Variants in EPB41L1 observed in about 807,000 individuals in gnomAD.
EPB41L1 encodes band 4.1-like protein 1.
EPB41L1 carries 29 observed loss-of-function variants against 97.8 expected under a neutral mutation model. The ratio of observed to expected loss-of-function variants is 0.30; its 90% CI spans 0.22 to 0.40. EPB41L1 has a LOEUF of 0.40. Ranked by LOEUF, EPB41L1 falls within the 10% of genes least tolerant of loss-of-function variation. EPB41L1 has a pLI of 1.00. For synonymous variants in EPB41L1, 383 were observed against 459.2 expected (o/e 0.83, Z 2.12); for missense variants, 812 against 1,162.3 (o/e 0.70, Z 4.38).
chr20:36,103,162 GA>G (rs369066500), intron 1 of EPB41L1, among the ~76,000 whole-genome samples: 19 of 152,318 alleles, frequency 1.2e-4, no homozygotes, highest in African/African-American at 3.6e-4. Flanking sequence ...CCCTCTGGGG[GA>G]TGAGTTCTTT....
At position 36,190,012 on chromosome 20, in the gene EPB41L1, C is replaced by T. The variant is rs985618756; in HGVS notation, c.1027-265C>T. On this transcript the variant is annotated intron_variant, in intron 9 of 21. Transcript: ENST00000338074. This position sits in a 1 kb window ranked among gnomAD's most constrained non-coding sequence, Gnocchi z 5.8. ...CCAGCCTAGGCAACATAGTGAGACTCATTCTCTACAAAAAATTAGCTGGTG... is the reference window on the plus strand; with the variant it reads ...CCAGCCTAGGCAACATAGTGAGACTTATTCTCTACAAAAAATTAGCTGGTG... Among the ~76,000 whole-genome samples, 3 of 151,964 alleles carry T rather than the reference C, an allele frequency of 2.0e-5. No homozygotes were observed. Among genetic ancestry groups the T allele is most frequent in the African/African-American group, 7.3e-5 (3 of 41,376 alleles).
chr20:36,214,586 T>C (rs1218197837), intron 17 of EPB41L1, 146 bp downstream of exon 17: 1 of 721,866 alleles, frequency 1.4e-6, no homozygotes, highest in South Asian at 1.6e-5. Flanking sequence ...CAGCTGTTTA[T>C]TATCTGGGGC....
chr20:36,160,286 A>G (rs2060474625), intron 1 of EPB41L1, among the ~76,000 whole-genome samples: 1 of 152,226 alleles, frequency 6.6e-6, no homozygotes, highest in Admixed American at 6.5e-5. Flanking sequence ...GGAAAATCTA[A>G]TAATTCAGAA....
intron 3 of EPB41L1, among the ~76,000 whole-genome samples, chr20:36,177,740 G>T (rs2145996384): frequency 1.3e-5 from 2 of 152,356 alleles, no homozygotes; most frequent in South Asian, 4.1e-4. Flanking sequence ...GAACTTGGAA[G>T]AAGGCCATCA....
chr20:36,204,471 C>CT (rs765673962), intron 14 of EPB41L1, among the ~76,000 whole-genome samples: 1,348 of 90,592 alleles, frequency 0.015, 224 homozygotes, highest in African/African-American at 0.026. Context: ...CGATCTGGTG[C>CT]TTTTTTTTTT....
chr20:36,096,657 A>G (rs529672240), intron 1 of EPB41L1, among the ~76,000 whole-genome samples: 1 of 152,120 alleles, frequency 6.6e-6, no homozygotes, highest in African/African-American at 2.4e-5. Flanking sequence ...GGCCAAGTCA[A>G]TTTTCCCTGT....
Position 36,219,745 on chromosome 20 carries a change from T to C in EPB41L1, c.2356-16T>C. On this transcript the variant is annotated splice_polypyrimidine_tract_variant and intron_variant, in intron 18 of 21. Coordinates refer to ENST00000338074, the MANE Select transcript of EPB41L1 (RefSeq NM_012156.2). ...CTTACCTGACACCCTGGGTGGGGGG[T>C]GGTTATATTCTGCAGATCATCGGGA... 2 of 1,611,370 alleles carry C rather than the reference T, an allele frequency of 1.2e-6. No homozygotes were observed. The highest frequency in any genetic ancestry group is 8.5e-7 in the Non-Finnish European group (1 of 1,178,888).
chr20:36,215,215 G>A (rs2063371472), intron 17 of EPB41L1, among the ~76,000 whole-genome samples: 1 of 151,980 alleles, frequency 6.6e-6, no homozygotes, highest in Non-Finnish European at 1.5e-5. Flanking sequence ...GGTAACTGAA[G>A]TTCAGAGAGG....
chr20:36,101,055 C>T (rs1248103959), intron 1 of EPB41L1, among the ~76,000 whole-genome samples: 1 of 152,126 alleles, frequency 6.6e-6, no homozygotes, highest in East Asian at 1.9e-4. Context: ...TTCATTGAAT[C>T]GAGTCTTCCA....
Position 36,209,859 on chromosome 20 carries a change from T to C in EPB41L1, c.2040T>C (p.Asp680=), listed in dbSNP as rs946739246. 6.2e-7 allele frequency: 1 copy of C among 1,613,524 alleles called. No homozygotes were observed. The highest frequency in any genetic ancestry group is 1.7e-5 in the Admixed American group (1 of 60,022). The stretch of plus-strand genomic sequence containing the variant: ...CTGGGGGCATTGAGGACAGCCCGGA[T>C]CGAGGGGCCTGCTCCACCCCGGATA... ...DESGGIEDSP[D]RGACSTPDMP... The change falls in exon 15 of 22, where the codon GAT becomes GAC. Residue 680 remains aspartate (D), a synonymous_variant. Transcript: ENST00000338074. This position sits in a 1 kb window ranked among gnomAD's most constrained non-coding sequence, Gnocchi z 4.2.
chr20:36,191,624 G>T (rs976102953), intron 11 of EPB41L1, among the ~76,000 whole-genome samples: 4 of 152,126 alleles, frequency 2.6e-5, no homozygotes, highest in African/African-American at 4.8e-5. Flanking sequence ...AAGTCACATG[G>T]GTCACTGGGG....
At chr20:36,199,870 C>G (rs887133683) in intron 14 of EPB41L1, among the ~76,000 whole-genome samples, 2 of 152,152 alleles carry the variant, frequency 1.3e-5, no homozygotes, top group Non-Finnish European at 2.9e-5. Flanking sequence ...GAAGTGAGGT[C>G]TAGACCTCTG....
At chr20:36,200,522 A>G (rs751339909) in intron 14 of EPB41L1, among the ~76,000 whole-genome samples, 1 of 152,216 alleles carries the variant, frequency 6.6e-6, no homozygotes, top group East Asian at 1.9e-4. Context: ...TGCAGGGTTG[A>G]ACCATAGCCT....
At chr20:36,177,142 G>C (rs1396408182) in intron 3 of EPB41L1, among the ~76,000 whole-genome samples, 2 of 152,166 alleles carry the variant, frequency 1.3e-5, no homozygotes, top group African/African-American at 4.8e-5. Context: ...TTGGTCCCGA[G>C]GGCCCAGCCA....
intron 2 of EPB41L1, among the ~76,000 whole-genome samples, chr20:36,116,780 G>T (rs2058597759): frequency 6.6e-6 from 1 of 152,152 alleles, no homozygotes. Flanking sequence ...TCAGAAGTTG[G>T]ATAATGCCCC....
In EPB41L1 at chr20:36,093,384, G is replaced by A. The variant is rs1193654737; in HGVS notation, c.-65+1772G>A. Reference sequence around the variant, plus strand: ...GTGTAACTCCCGTGTGTGCGCGTGTGAGTGCGGGTGTGCTCCCGCGTAGCC... The same window carrying A: ...GTGTAACTCCCGTGTGTGCGCGTGTAAGTGCGGGTGTGCTCCCGCGTAGCC... On this transcript the variant is annotated intron_variant, in intron 1 of 19. Transcript: ENST00000202028. This position sits in a 1 kb window ranked among gnomAD's most constrained non-coding sequence, Gnocchi z 5.4. 6.6e-6 allele frequency among the ~76,000 whole-genome samples: 1 copy of A among 151,418 alleles called. No homozygotes were observed. Among genetic ancestry groups the A allele is most frequent in the African/African-American group, 2.4e-5 (1 of 41,192 alleles).
intron 21 of EPB41L1, among the ~76,000 whole-genome samples, chr20:36,225,600 G>C (rs144769585): frequency 2.0e-5 from 3 of 152,168 alleles, no homozygotes; most frequent in Non-Finnish European, 2.9e-5. Flanking sequence ...GTTTCTTCCC[G>C]CTTGAGGACT....
intron 1 of EPB41L1, among the ~76,000 whole-genome samples, chr20:36,157,465 C>T (rs2060355755): frequency 1.3e-5 from 2 of 152,254 alleles, no homozygotes; most frequent in East Asian, 1.9e-4. Context: ...CTGGAAAGTG[C>T]GAGGCGGTCT....
intron 5 of EPB41L1, among the ~76,000 whole-genome samples, chr20:36,179,868 G>T (rs1005276427): frequency 2.6e-5 from 4 of 152,224 alleles, no homozygotes; most frequent in African/African-American, 9.6e-5. Flanking sequence ...GCACTCCTCG[G>T]GGGGCTGACA....
Sources: allele counts gnomAD v4.1 joint callset (sites outside exome capture counted in the v4.1 genomes callset), GRCh38; gene constraint gnomAD v4.1.1; non-coding constraint Gnocchi (gnomAD v3.1); transcripts MANE v1.5; gene names NCBI Gene and HGNC (gene_info 2026-07-23, HGNC 2026-07-21).